Variants in B9D2 observed in about 807,000 individuals in gnomAD.
B9D2 encodes the protein B9 domain containing 2.
B9D2 carries 21 observed loss-of-function variants against 19.2 expected under a neutral mutation model. The observed-to-expected ratio is 1.09, with a 90% CI of 0.78 to 1.58. B9D2 has a LOEUF of 1.58. Ranked by LOEUF, B9D2 falls within the 40% of genes most tolerant of loss-of-function variation. The probability of loss-of-function intolerance (pLI) is 0.00; values close to 1 mark genes in which losing one functional copy is unlikely to be tolerated. For synonymous variants in B9D2, 91 were observed against 100.6 expected (o/e 0.90, Z 0.57); for missense variants, 221 against 244.3 (o/e 0.90, Z 0.64).
At chr19:41,360,715 G>T (rs1320997320) in intron 2 of B9D2, among the ~76,000 whole-genome samples, 1 of 150,798 alleles carries the variant, frequency 6.6e-6, no homozygotes, top group Non-Finnish European at 1.5e-5. Context: ...TACCATGTTA[G>T]CCAGGCTGGT....
At chr19:41,357,224 C>A (rs1011615407) in intron 3 of B9D2, among the ~76,000 whole-genome samples, 41 of 152,228 alleles carry the variant, frequency 2.7e-4, no homozygotes, top group Non-Finnish European at 4.6e-4. Context: ...TTAGTCCTGC[C>A]CACTCTGAGG....
chr19:41,357,739 G>T (rs2038337593), intron 3 of B9D2, among the ~76,000 whole-genome samples, 158 bp downstream of exon 3: 4 of 149,424 alleles, frequency 2.7e-5, no homozygotes. Context: ...GGCCTGGGAA[G>T]GCCTTAGCTC....
At chr19:41,361,540 C>A (rs987080186) in intron 2 of B9D2, among the ~76,000 whole-genome samples, 22 of 152,040 alleles carry the variant, frequency 1.4e-4, no homozygotes, top group South Asian at 6.2e-4. Context: ...GTAATCCCAG[C>A]ACTTTGGAAG....
At chr19:41,359,202 G>A (rs1460047282) in intron 2 of B9D2, among the ~76,000 whole-genome samples, 3 of 151,448 alleles carry the variant, frequency 2.0e-5, no homozygotes, top group Non-Finnish European at 1.5e-5. Flanking sequence ...AGGCTGAGGC[G>A]GGCTGATCAC....
At chr19:41,363,589 GA>G in intron 1 of B9D2, 66 bp from the exon 2 acceptor site, 6 of 1,425,892 alleles carry the variant, frequency 4.2e-6, no homozygotes, top group Non-Finnish European at 5.9e-6. Context: ...TGACGGGGGG[GA>G]AACTGAGGCC....
chr19:41,354,847 G>A lies in B9D2; in HGVS notation c.381C>T (p.Phe127=), dbSNP rs372769452. Residue 127 remains phenylalanine, a synonymous_variant, in exon 4 of 4, where the codon TTC becomes TTT. Coordinates refer to ENST00000243578, the MANE Select transcript of B9D2 (RefSeq NM_030578.4). ...GSWREQLARA[F]VGGGPQLLHG... The stretch of plus-strand genomic sequence containing the variant: ...GCAGCAGCTGCGGCCCACCACCCAC[G>A]AAAGCCCGTGCCAACTGTTCTCGCC... The A allele has an allele frequency of 2.7e-5, 44 of 1,613,798 alleles. No homozygotes were observed. In the South Asian group the frequency reaches 3.6e-4, roughly 13 times the overall value.
In B9D2 at chr19:41,354,545, A is replaced by G. The variant is rs1331002142; in HGVS notation, c.*155T>C. ...AGATAGGGAAACTGGGCCCAGAGGG[A>G]CCCCGAGGTCCTAGAAAGGACAGAA... On this transcript the variant is annotated 3_prime_UTR_variant, in exon 4 of 4. Coordinates refer to ENST00000243578, the MANE Select transcript of B9D2 (RefSeq NM_030578.4). 2.1e-6 allele frequency: 2 copies of G among 972,072 alleles called. No individual in the cohort carries two copies. The highest frequency in any genetic ancestry group is 3.2e-5 in the African/African-American group (2 of 62,040). The allele number at this position is 972,072 out of a possible 1,614,324, so 60.2% of individuals were successfully genotyped here.
chr19:41,363,614 G>A, intron 1 of B9D2, 91 bp from the exon 2 acceptor site: 2 of 1,161,382 alleles, frequency 1.7e-6, no homozygotes, highest in Non-Finnish European at 2.5e-6. Flanking sequence ...CAAGTAAAGG[G>A]TAGTACTAGG....
intron 2 of B9D2, among the ~76,000 whole-genome samples, chr19:41,359,876 C>G (rs1028508423): frequency 6.6e-6 from 1 of 152,016 alleles, no homozygotes; most frequent in African/African-American, 2.4e-5. Context: ...CTGGCTCTTG[C>G]TCCCCTCCCT....
chr19:41,361,384 G>A (rs948176412), intron 2 of B9D2, among the ~76,000 whole-genome samples: 1 of 152,114 alleles, frequency 6.6e-6, no homozygotes, highest in Non-Finnish European at 1.5e-5. Context: ...AAGGTGAGTG[G>A]TCCAACCTGG....
Position 41,354,562 on chromosome 19 carries a change from A to C in B9D2, c.*138T>G. The C allele has an allele frequency of 5.9e-6, 7 of 1,177,684 alleles. No individual in the cohort carries two copies. Among genetic ancestry groups the C allele is most frequent in the Non-Finnish European group, 8.6e-6 (7 of 815,938 alleles). The allele number at this position is 1,177,684 out of a possible 1,614,324, so 73.0% of individuals were successfully genotyped here. A position where few individuals can be genotyped will look rare whatever the true frequency, so the allele number is the denominator to read the frequency against. ...CCAGAGGGACCCCGAGGTCCTAGAA[A>C]GGACAGAAGCGGTGCCATGCCTTAG... On this transcript the variant is annotated 3_prime_UTR_variant, in exon 4 of 4. Transcript: ENST00000243578.
At chr19:41,362,969 A>G (rs2038435734) in intron 2 of B9D2, 1 of 218,318 alleles carries the variant, frequency 4.6e-6, no homozygotes, top group African/African-American at 2.3e-5. Context: ...CTTTCCTGGG[A>G]CGTGGCGGCT....
At chr19:41,358,510 T>A (rs1302635403) in intron 2 of B9D2, among the ~76,000 whole-genome samples, 1 of 151,908 alleles carries the variant, frequency 6.6e-6, no homozygotes, top group Non-Finnish European at 1.5e-5. Context: ...AACCCACTAA[T>A]CCATTAACCC....
chr19:41,363,221 G>A (rs991368359), intron 2 of B9D2: 23 of 609,100 alleles, frequency 3.8e-5, no homozygotes, highest in South Asian at 3.5e-4. Flanking sequence ...ACTCCAGCCC[G>A]GGCGCAGAGA....
chr19:41,360,951 T>G (rs1238569973), intron 2 of B9D2: 1 of 152,040 alleles, frequency 6.6e-6, no homozygotes, highest in Non-Finnish European at 1.5e-5. Flanking sequence ...TAAGTGATCC[T>G]AGGAGGTGGG....
chr19:41,362,185 C>T (rs1423350094), intron 2 of B9D2, among the ~76,000 whole-genome samples: 1 of 148,894 alleles, frequency 6.7e-6, no homozygotes, highest in Non-Finnish European at 1.5e-5. Context: ...AGATCGAGAC[C>T]ATCCTGGCTA....
intron 2 of B9D2, among the ~76,000 whole-genome samples, chr19:41,362,547 A>T (rs2038427736): frequency 6.6e-6 from 1 of 152,162 alleles, no homozygotes; most frequent in Admixed American, 6.6e-5. Flanking sequence ...CTGAATGAGC[A>T]CTTCCTATTC....
At chr19:41,358,058 C>T in intron 2 of B9D2, 36 bp from the exon 3 acceptor site, 1 of 1,613,446 alleles carries the variant, frequency 6.2e-7, no homozygotes, top group Non-Finnish European at 8.5e-7. Flanking sequence ...GGGTGGGAGG[C>T]AGCCATCGGG....
Position 41,354,724 on chromosome 19 carries a change from G to T in B9D2, c.504C>A (p.Phe168Leu). 6.2e-7 allele frequency: 1 copy of T among 1,614,058 alleles called. No homozygotes were observed. The highest frequency in any genetic ancestry group is 8.5e-7 in the Non-Finnish European group (1 of 1,180,032). ...CTCAGCACTCCACGCCGTAGCGGTC[G>T]AAGTTGCGGAGCAGCAGGCCGATCT... ...HLEIGLLLRN[F>L]DRYGVEC Residue 168 changes from phenylalanine (F) to leucine (L), a missense_variant, in exon 4 of 4, where the codon TTC becomes TTA. By Grantham distance (22) the Phe-to-Leu change is conservative. Transcript: ENST00000243578.
Sources: gnomAD v4.1 joint callset for allele counts (sites outside exome capture counted in the v4.1 genomes callset) on GRCh38, gnomAD v4.1.1 for gene constraint, MANE v1.5 for transcripts, NCBI Gene and HGNC (gene_info 2026-07-23, HGNC 2026-07-21) for gene names.